CDH18: variants seen among roughly 807,000 people sequenced by gnomAD.
CDH18 encodes the protein cadherin 18.
In CDH18, 31 loss-of-function variants were observed where a neutral mutation model predicts 67.9. The ratio of observed to expected loss-of-function variants is 0.46; its 90% CI spans 0.34 to 0.62. The LOEUF is 0.62. Ranked by LOEUF, CDH18 falls within the 20% of genes least tolerant of loss-of-function variation. The pLI, the probability that CDH18 is intolerant of heterozygous loss-of-function variation, is 0.01. For synonymous variants in CDH18, 362 were observed against 347.2 expected (o/e 1.04, Z -0.48); for missense variants, 890 against 975.5 (o/e 0.91, Z 1.17).
At chr5:19,913,427 G>T (rs1372962285) in intron 2 of CDH18, among the ~76,000 whole-genome samples, 1 of 152,052 alleles carries the variant, frequency 6.6e-6, no homozygotes, top group Non-Finnish European at 1.5e-5. Flanking sequence ...TAGAAACTTC[G>T]ATCACAAATG....
intron 3 of CDH18, among the ~76,000 whole-genome samples, chr5:19,770,708 C>G (rs1409425083): frequency 6.6e-6 from 1 of 152,064 alleles, no homozygotes; most frequent in African/African-American, 2.4e-5. Flanking sequence ...AGGCCTTGAG[C>G]CCTAATCAAG....
intron 1 of CDH18, among the ~76,000 whole-genome samples, chr5:20,342,961 CT>C (rs1331824640): frequency 5.3e-5 from 8 of 152,130 alleles, no homozygotes. Context: ...TCACCAATGC[CT>C]TGCAGAATAG....
Position 20,418,242 on chromosome 5 carries a change from A to ATTTTTTTTTTTTTTTTTTTTTTT in CDH18, c.-580+157197_-580+157219dup, listed in dbSNP as rs58308147. On this transcript the variant is annotated intron_variant, in intron 1 of 14. Transcript: ENST00000507958. ...AGGTGTCTGCCACCACTGCTGGCTA[A>ATTTTTTTTTTTTTTTTTTTTTTT]TTTTTTTTTTTTTTTTTTTTTTTTG... is the stretch of plus-strand genomic sequence containing the variant. Among the ~76,000 whole-genome samples the ATTTTTTTTTTTTTTTTTTTTTTT allele has an allele frequency of 2.5e-3, 140 of 56,910 alleles. 17 individuals carry two copies. Among genetic ancestry groups the ATTTTTTTTTTTTTTTTTTTTTTT allele is most frequent in the East Asian group, 5.4e-3 (10 of 1,860 alleles). 37.3% of individuals were successfully genotyped at this position (56,910 alleles called of 152,430 possible).
At chr5:20,534,242 A>C (rs1756581153) in intron 1 of CDH18, among the ~76,000 whole-genome samples, 1 of 152,186 alleles carries the variant, frequency 6.6e-6, no homozygotes, top group South Asian at 2.1e-4. Context: ...AGTTTTTACA[A>C]ACTATGGTTA....
rs1276188435 is a variant in CDH18, at chr5:19,670,552, A to G, written c.643+50795T>C. On this transcript the variant is annotated intron_variant, in intron 5 of 12. Coordinates refer to ENST00000382275, the MANE Select transcript of CDH18 (RefSeq NM_004934.5). ...ATTGAAGAATTGTTTAAGTAGCTGT[A>G]TAACATGATCGATTTATATTAAAAA... Among the ~76,000 whole-genome samples, 3 of 152,172 alleles carry G rather than the reference A, an allele frequency of 2.0e-5. No individual in the cohort carries two copies. The East Asian group carries it at 5.8e-4, about 29-fold the overall frequency.
At chr5:20,003,159 A>C (rs948327559) in intron 2 of CDH18, among the ~76,000 whole-genome samples, 3 of 152,182 alleles carry the variant, frequency 2.0e-5, no homozygotes, top group African/African-American at 7.2e-5. Flanking sequence ...AGTGTGTATT[A>C]AAACCAGTTA....
intron 2 of CDH18, among the ~76,000 whole-genome samples, chr5:20,030,271 TG>T (rs1739280848): frequency 6.6e-6 from 1 of 152,120 alleles, no homozygotes; most frequent in South Asian, 2.1e-4. Flanking sequence ...GACATCTCAG[TG>T]TGTGTCATAT....
chr5:19,578,435 C>T, intron 7 of CDH18, among the ~76,000 whole-genome samples: 1 of 151,790 alleles, frequency 6.6e-6, no homozygotes, highest in East Asian at 1.9e-4. Flanking sequence ...CCCTCGAAAT[C>T]CTTCATATTA....
At chr5:20,393,375 T>C (rs1157321762) in intron 1 of CDH18, among the ~76,000 whole-genome samples, 2 of 152,016 alleles carry the variant, frequency 1.3e-5, no homozygotes, top group African/African-American at 4.8e-5. Flanking sequence ...AATATGTTAA[T>C]GAAAGGGTTT....
At chr5:19,748,702 G>T (rs533439682) in intron 3 of CDH18, among the ~76,000 whole-genome samples, 1 of 152,086 alleles carries the variant, frequency 6.6e-6, no homozygotes, top group South Asian at 2.1e-4. Flanking sequence ...GAACATTTTT[G>T]AGGTTTTAAA....
At chr5:20,048,811 T>C (rs1741138736) in intron 2 of CDH18, among the ~76,000 whole-genome samples, 1 of 151,740 alleles carries the variant, frequency 6.6e-6, no homozygotes. Context: ...GACTTTTATC[T>C]AGTAGGTTTT....
In CDH18 at chr5:19,810,276, A is replaced by T. The variant is rs1778499755; in HGVS notation, c.228+28483T>A. ...AACTTGGGAGGTGGAGGTTTCAGTG[A>T]CCCAAGATCACACCACTGCACCTCA... On this transcript the variant is annotated intron_variant, in intron 3 of 12. Coordinates refer to ENST00000382275, the MANE Select transcript of CDH18 (RefSeq NM_004934.5). 2.0e-5 allele frequency among the ~76,000 whole-genome samples: 3 copies of T among 152,258 alleles called. No individual in the cohort carries two copies. The South Asian group carries it at 6.2e-4, about 32-fold the overall frequency.
chr5:20,350,715 G>A (rs1319725507), intron 1 of CDH18, among the ~76,000 whole-genome samples: 2 of 152,032 alleles, frequency 1.3e-5, no homozygotes, highest in African/African-American at 4.8e-5. Context: ...GCTCTCTGGA[G>A]GCAAACATTT....
intron 5 of CDH18, among the ~76,000 whole-genome samples, chr5:19,648,346 C>T (rs921764874): frequency 1.3e-5 from 2 of 152,084 alleles, no homozygotes; most frequent in South Asian, 4.2e-4. Context: ...TCCCAAAAGG[C>T]GGAGGCTACA....
intron 2 of CDH18, among the ~76,000 whole-genome samples, chr5:19,956,640 T>A (rs7724428): frequency 0.079 from 11,949 of 151,892 alleles, 1,543 homozygotes; most frequent in African/African-American, 0.27. Flanking sequence ...TTTATCAAAT[T>A]GTTAACAATA....
intron 2 of CDH18, among the ~76,000 whole-genome samples, chr5:20,207,281 G>A (rs1739972514): frequency 6.6e-6 from 1 of 151,742 alleles, no homozygotes; most frequent in Non-Finnish European, 1.5e-5. Flanking sequence ...AGCCAAAGCA[G>A]TGAAAAGATC....
intron 2 of CDH18, among the ~76,000 whole-genome samples, chr5:19,930,504 T>C (rs925971482): frequency 3.3e-5 from 5 of 152,086 alleles, no homozygotes; most frequent in Non-Finnish European, 7.4e-5. Context: ...AAGGCTCTCC[T>C]ATATTTTCCA....
intron 1 of CDH18, among the ~76,000 whole-genome samples, chr5:20,267,975 C>T (rs902630798): frequency 3.3e-5 from 5 of 152,118 alleles, no homozygotes; most frequent in African/African-American, 1.2e-4. Context: ...TAGTAGTCCC[C>T]AGTGTTTATC....
intron 5 of CDH18, among the ~76,000 whole-genome samples, chr5:19,634,060 C>T (rs572203030): frequency 1.3e-5 from 2 of 152,274 alleles, no homozygotes; most frequent in Non-Finnish European, 2.9e-5. Flanking sequence ...TGGGAATTTG[C>T]TAGTGATCAA....
Sources: gnomAD v4.1 joint callset for allele counts (sites outside exome capture counted in the v4.1 genomes callset) on GRCh38, gnomAD v4.1.1 for gene constraint, MANE v1.5 for transcripts, NCBI Gene and HGNC (gene_info 2026-07-23, HGNC 2026-07-21) for gene names.